The following ANKS1A variants were observed in gnomAD, a reference collection of about 807,000 sequenced individuals.
ANKS1A encodes ankyrin repeat and SAM domain-containing protein 1A.
ANKS1A carries 55 observed loss-of-function variants against 120.3 expected under a neutral mutation model. That is an observed-to-expected ratio of 0.46 (90% confidence interval 0.37 to 0.57). ANKS1A has a LOEUF of 0.57. Ranked by LOEUF, ANKS1A falls within the 20% of genes least tolerant of loss-of-function variation. ANKS1A has a pLI of 0.00. For missense variants in ANKS1A, 1,123 were observed against 1,480.3 expected, an observed-to-expected ratio of 0.76 and a Z score of 3.96; for synonymous variants, 590 against 604.7, an observed-to-expected ratio of 0.98 and a Z score of 0.36.
intron 13 of ANKS1A, among the ~76,000 whole-genome samples, chr6:35,071,223 G>C (rs1298826583): frequency 6.6e-6 from 1 of 152,136 alleles, no homozygotes; most frequent in East Asian, 1.9e-4. Context: ...TATATCGCTT[G>C]ATGTCTTGTG....
intron 11 of ANKS1A, among the ~76,000 whole-genome samples, chr6:35,031,489 G>A (rs966559563): frequency 3.3e-5 from 5 of 152,168 alleles, no homozygotes; most frequent in Non-Finnish European, 7.3e-5. Flanking sequence ...GCCAGGCCTT[G>A]TAAAGGGTCA....
chr6:35,078,244 T>G (rs2127605270), intron 13 of ANKS1A, among the ~76,000 whole-genome samples: 1 of 152,330 alleles, frequency 6.6e-6, no homozygotes, highest in African/African-American at 2.4e-5. Flanking sequence ...GCATGGAACC[T>G]GCTCCCCAGA....
rs931594068 is a variant in ANKS1A, at chr6:34,890,201, C to T, written c.197+602C>T. Among the ~76,000 whole-genome samples, 13 of 152,212 alleles carry T rather than the reference C, an allele frequency of 8.5e-5. No individual in the cohort carries two copies. In the East Asian group the frequency reaches 2.1e-3, roughly 25 times the overall value. ...CCGCCTCCCGGGTTCAAGCGATTCT[C>T]CTGCCTCTGCCTCCCAAGTAGCTGG... On this transcript the variant is annotated intron_variant, in intron 1 of 23. Transcript: ENST00000360359.
At chr6:35,076,774 C>T (rs1385833463) in intron 13 of ANKS1A, among the ~76,000 whole-genome samples, 4 of 151,976 alleles carry the variant, frequency 2.6e-5, no homozygotes, top group Non-Finnish European at 5.9e-5. Context: ...GGATTACAGG[C>T]GCCTGCCACC....
intron 1 of ANKS1A, among the ~76,000 whole-genome samples, chr6:34,945,938 G>A (rs1481719715): frequency 1.3e-5 from 2 of 149,702 alleles, no homozygotes; most frequent in East Asian, 3.9e-4. Context: ...TTAGTAATTT[G>A]TGTCTTCTCT....
intron 10 of ANKS1A, among the ~76,000 whole-genome samples, chr6:35,016,764 CAA>C (rs145185965): frequency 5.3e-5 from 7 of 131,696 alleles, no homozygotes; most frequent in African/African-American, 6.5e-5. Flanking sequence ...TGCACATTCT[CAA>C]AAAAAAAAAA....
chr6:35,040,186 T>C (rs9469933), intron 11 of ANKS1A, among the ~76,000 whole-genome samples: 24,859 of 152,132 alleles, frequency 0.16, 2,578 homozygotes, highest in East Asian at 0.58. Flanking sequence ...GCAAAATCAG[T>C]GGGGTATCTT....
chr6:34,956,748 C>G (rs1452607377), intron 1 of ANKS1A, among the ~76,000 whole-genome samples: 1 of 152,182 alleles, frequency 6.6e-6, no homozygotes, highest in Non-Finnish European at 1.5e-5. Context: ...TTCAGGGCCT[C>G]TGATTTCAGT....
At chr6:35,007,195 G>C (rs1773508349) in intron 10 of ANKS1A, among the ~76,000 whole-genome samples, 1 of 152,164 alleles carries the variant, frequency 6.6e-6, no homozygotes, top group Admixed American at 6.5e-5. Context: ...TGCGCCTGGG[G>C]ACCAGGAATG....
chr6:34,913,191 A>G (rs1767986774), intron 1 of ANKS1A, among the ~76,000 whole-genome samples: 1 of 152,100 alleles, frequency 6.6e-6, no homozygotes, highest in African/African-American at 2.4e-5. Context: ...TTGTTCATGT[A>G]CCCCCCAATA....
At chr6:34,907,479 A>C (rs1235660971) in intron 1 of ANKS1A, among the ~76,000 whole-genome samples, 1 of 152,186 alleles carries the variant, frequency 6.6e-6, no homozygotes, top group African/African-American at 2.4e-5. Flanking sequence ...CTACACACAC[A>C]GGTTTTGAAT....
intron 11 of ANKS1A, among the ~76,000 whole-genome samples, chr6:35,047,335 G>A (rs749633809): frequency 3.9e-5 from 6 of 152,206 alleles, no homozygotes; most frequent in African/African-American, 1.2e-4. Context: ...TAAGGAAATT[G>A]ATTCTGAGTA....
intron 1 of ANKS1A, among the ~76,000 whole-genome samples, chr6:34,925,905 G>A (rs1768693369): frequency 6.6e-6 from 1 of 152,114 alleles, no homozygotes; most frequent in Non-Finnish European, 1.5e-5. Flanking sequence ...AGCATACAAA[G>A]GCAGCCTCCC....
rs1211531552 is a variant in ANKS1A at position 35,086,352 on chromosome 6, T to A, written c.3303+416T>A. 2 of 1,297,884 alleles carry A rather than the reference T, an allele frequency of 1.5e-6. No homozygotes were observed. The highest frequency in any genetic ancestry group is 2.5e-5 in the South Asian group (2 of 81,046). The allele number at this position is 1,297,884 out of a possible 1,614,324, so 80.4% of individuals were successfully genotyped here. Reference sequence around the variant, plus strand: ...CCTTCCTACCTACCGCTGCCATCTGTTAGTCCTGGAGTCAAGGTCTTTACG... The same window carrying A: ...CCTTCCTACCTACCGCTGCCATCTGATAGTCCTGGAGTCAAGGTCTTTACG... On this transcript the variant is annotated intron_variant, in intron 22 of 23. Coordinates refer to ENST00000360359, the MANE Select transcript of ANKS1A (RefSeq NM_015245.3). The surrounding 1 kb of genome is among the most constrained non-coding windows in gnomAD (Gnocchi z 5.1).
chr6:35,087,661 C>CCTTGTGAGA (rs1325677207), intron 23 of ANKS1A, among the ~76,000 whole-genome samples: 2 of 152,356 alleles, frequency 1.3e-5, no homozygotes, highest in African/African-American at 4.8e-5. Flanking sequence ...ATGGCTAGGC[C>CCTTGTGAGA]CTTGTGAGAC....
At chr6:35,079,212 G>C (rs368783275) in intron 14 of ANKS1A, among the ~76,000 whole-genome samples, 3 of 152,186 alleles carry the variant, frequency 2.0e-5, no homozygotes, top group Non-Finnish European at 2.9e-5. Context: ...CTCCAGGCCC[G>C]TGACCTCAGC....
intron 1 of ANKS1A, among the ~76,000 whole-genome samples, chr6:34,931,497 T>C (rs1017691468): frequency 1.7e-4 from 26 of 152,270 alleles, no homozygotes; most frequent in African/African-American, 6.3e-4. Context: ...GCTTTGAGAG[T>C]TCTCAGAAGC....
chr6:34,983,358 A>G lies in ANKS1A; in HGVS notation c.945A>G (p.Val315=), dbSNP rs763884374. The change falls in exon 7 of 24, where the codon GTA becomes GTG. Residue 315 remains valine (V), a synonymous_variant. Coordinates refer to ENST00000360359, the MANE Select transcript of ANKS1A (RefSeq NM_015245.3). The stretch of plus-strand genomic sequence containing the variant: ...CTGGAAAAAGAAGTACAAAAGAAGT[A>G]GATAAAACCCCCCCACCCCAGCCAC... ...HMTGKRSTKE[V]DKTPPPQPPL... is the part of the protein sequence containing the mutation. 1.2e-6 allele frequency: 2 copies of G among 1,614,078 alleles called. No homozygotes were observed. The highest frequency in any genetic ancestry group is 4.5e-5 in the East Asian group (2 of 44,880).
intron 8 of ANKS1A, among the ~76,000 whole-genome samples, chr6:34,986,370 T>G (rs1772202836): frequency 6.6e-6 from 1 of 152,180 alleles, no homozygotes; most frequent in Non-Finnish European, 1.5e-5. Context: ...GAATCACTGG[T>G]CCCACTGACC....
Sources: allele counts gnomAD v4.1 joint callset (sites outside exome capture counted in the v4.1 genomes callset), GRCh38; gene constraint gnomAD v4.1.1; non-coding constraint Gnocchi (gnomAD v3.1); transcripts MANE v1.5; gene names NCBI Gene and HGNC (gene_info 2026-07-23, HGNC 2026-07-21).